The following GALNT14 variants were observed in gnomAD, a reference collection of about 807,000 sequenced individuals.
The protein encoded by GALNT14 is polypeptide N-acetylgalactosaminyltransferase 14.
In GALNT14, 60 loss-of-function variants were observed where a neutral mutation model predicts 77.5. The ratio of observed to expected loss-of-function variants is 0.77; its 90% CI spans 0.63 to 0.96. The LOEUF is 0.96. GALNT14 is among the 40% of genes least tolerant of loss of function. GALNT14 has a pLI of 0.00. For synonymous variants in GALNT14, 280 were observed against 281.7 expected (o/e 0.99, Z 0.06); for missense variants, 710 against 731.0 (o/e 0.97, Z 0.33).
At chr2:31,119,982 C>G (rs571130520) in intron 1 of GALNT14, among the ~76,000 whole-genome samples, 1 of 96,382 alleles carries the variant, frequency 1.0e-5, no homozygotes, top group African/African-American at 2.9e-5. Flanking sequence ...AGGTGAAACC[C>G]CGTCTCTACT....
chr2:31,057,400 C>A (rs1674301891), intron 1 of GALNT14, among the ~76,000 whole-genome samples: 2 of 130,144 alleles, frequency 1.5e-5, no homozygotes, highest in African/African-American at 5.8e-5. Context: ...ATATACACAG[C>A]TGTTGCAGGT....
chr2:31,030,538 A>T (rs7582401), intron 1 of GALNT14, among the ~76,000 whole-genome samples: 2 of 151,914 alleles, frequency 1.3e-5, no homozygotes, highest in African/African-American at 4.8e-5. Context: ...CAGCTACATA[A>T]AGCAAAAAAG....
chr2:31,061,458 C>A (rs1190446211), intron 1 of GALNT14, among the ~76,000 whole-genome samples: 1 of 152,146 alleles, frequency 6.6e-6, no homozygotes. Context: ...GACAACTGAG[C>A]CCCCTTTTTC....
chr2:30,916,954 G>A (rs552994215), intron 13 of GALNT14, among the ~76,000 whole-genome samples: 2 of 151,858 alleles, frequency 1.3e-5, no homozygotes, highest in African/African-American at 2.4e-5. Flanking sequence ...GCACATGCCT[G>A]TAATCCCAGC....
intron 1 of GALNT14, among the ~76,000 whole-genome samples, chr2:31,109,535 G>C (rs1677732627): frequency 6.6e-6 from 1 of 152,190 alleles, no homozygotes; most frequent in Non-Finnish European, 1.5e-5. Context: ...AAACTGGCTT[G>C]GCTCGAATTA....
Position 30,966,232 on chromosome 2 carries a change from G to C in GALNT14, c.370C>G (p.Arg124Gly). 6.2e-7 allele frequency: 1 copy of C among 1,614,022 alleles called. No homozygotes were observed. The highest frequency in any genetic ancestry group is 8.5e-7 in the Non-Finnish European group (1 of 1,179,914). ...SIIITFHNEA[R>G]STLLRTIRSV... ...CGGATGGTCCTGAGCAGCGTGGAGC[G>C]GGCCTCGTTGTGGAAGGTGATGATG... is the stretch of plus-strand genomic sequence containing the variant. Residue 124 changes from arginine (R) to glycine (G), a missense_variant, in exon 3 of 15, where the codon CGC becomes GGC. Physicochemically the swap from Arg to Gly is moderately radical, Grantham distance 125. Transcript: ENST00000349752.
chr2:31,008,501 C>T (rs1175955628), intron 1 of GALNT14, among the ~76,000 whole-genome samples: 1 of 152,164 alleles, frequency 6.6e-6, no homozygotes, highest in Non-Finnish European at 1.5e-5. Flanking sequence ...GGTGTGACAT[C>T]CACGTCTCAC....
chr2:30,913,801 A>T (rs1409335854), intron 13 of GALNT14, among the ~76,000 whole-genome samples: 1 of 152,158 alleles, frequency 6.6e-6, no homozygotes, highest in Non-Finnish European at 1.5e-5. Flanking sequence ...TATAGATGAA[A>T]CAAGACTGTC....
At position 30,993,019 on chromosome 2, in the gene GALNT14, G is replaced by A. The variant is rs371371692; in HGVS notation, c.130-12C>T. The stretch of plus-strand genomic sequence containing the variant: ...TCAGCGTCCGAAGGCTGCGTGACAC[G>A]AATGGGAAGTCTGTGAGAACGGCTC... On this transcript the variant is annotated splice_polypyrimidine_tract_variant and intron_variant, in intron 1 of 14. Coordinates refer to ENST00000349752, the MANE Select transcript of GALNT14 (RefSeq NM_024572.4). The A allele has an allele frequency of 7.4e-6, 12 of 1,613,352 alleles. No homozygotes were observed. The highest frequency in any genetic ancestry group is 1.7e-4 in the Middle Eastern group (1 of 5,900).
intron 1 of GALNT14, among the ~76,000 whole-genome samples, chr2:31,048,776 T>C (rs1362798275): frequency 6.6e-6 from 1 of 152,146 alleles, no homozygotes; most frequent in Non-Finnish European, 1.5e-5. Context: ...TTGCTGTCAT[T>C]GCCCTCTTCA....
intron 1 of GALNT14, among the ~76,000 whole-genome samples, chr2:31,038,158 G>A (rs1383474404): frequency 3.7e-5 from 5 of 134,000 alleles, no homozygotes; most frequent in Non-Finnish European, 6.2e-5. Flanking sequence ...GCAGTGGCAC[G>A]ATCTCAGCTT....
intron 1 of GALNT14, among the ~76,000 whole-genome samples, chr2:31,116,580 AAACTCTTG>A (rs1678117756): frequency 1.3e-5 from 2 of 152,188 alleles, no homozygotes; most frequent in African/African-American, 2.4e-5. Flanking sequence ...TATAAAGCCA[AAACTCTTG>A]ATAGTAGGAG....
At chr2:31,079,029 G>T in intron 1 of GALNT14, 1 of 1,285,256 alleles carries the variant, frequency 7.8e-7, no homozygotes, top group South Asian at 1.2e-5. Flanking sequence ...AGAACGAAAT[G>T]GGTAGGCTCA....
intron 2 of GALNT14, among the ~76,000 whole-genome samples, chr2:30,981,295 A>C (rs1347094952): frequency 6.6e-6 from 1 of 152,332 alleles, no homozygotes; most frequent in East Asian, 1.9e-4. Context: ...TTTAAAGGGA[A>C]GACATCTGTG....
the GALNT14 span, among the ~76,000 whole-genome samples, chr2:30,896,005 G>C: frequency 1.3e-5 from 2 of 152,296 alleles, no homozygotes; most frequent in East Asian, 3.9e-4. Flanking sequence ...TATCACCTGG[G>C]CAACCTCGAC....
chr2:31,074,806 A>G (rs1332069045), intron 1 of GALNT14, among the ~76,000 whole-genome samples: 1 of 152,202 alleles, frequency 6.6e-6, no homozygotes, highest in African/African-American at 2.4e-5. Context: ...CCCAGACTTA[A>G]GAGGTAGAGA....
At chr2:30,949,935 G>C (rs10209824) in intron 6 of GALNT14, among the ~76,000 whole-genome samples, 50,993 of 152,076 alleles carry the variant, frequency 0.34, 8,700 homozygotes, top group East Asian at 0.51. Context: ...TGACATTGTG[G>C]GGAAAGACAA....
chr2:30,984,550 A>G (rs1227033178), intron 2 of GALNT14, among the ~76,000 whole-genome samples: 1 of 152,178 alleles, frequency 6.6e-6, no homozygotes, highest in Admixed American at 6.5e-5. Context: ...CATGTCCCCA[A>G]GTTATCTTCC....
At chr2:30,984,181 C>T (rs144329978) in intron 2 of GALNT14, among the ~76,000 whole-genome samples, 78 of 152,354 alleles carry the variant, frequency 5.1e-4, no homozygotes, top group Middle Eastern at 3.4e-3. Flanking sequence ...TCCTGCCTCA[C>T]TTCAGAACGA....
Sources: allele counts gnomAD v4.1 joint callset (sites outside exome capture counted in the v4.1 genomes callset), GRCh38; gene constraint gnomAD v4.1.1; transcripts MANE v1.5; gene names NCBI Gene and HGNC (gene_info 2026-07-23, HGNC 2026-07-21).